Variants in CNTNAP2 observed in about 807,000 individuals in gnomAD.
The protein encoded by CNTNAP2 is contactin associated protein 2, also known as contactin-associated protein-like 2.
A neutral mutation model predicts 155.2 loss-of-function variants in CNTNAP2; 98 were observed. The ratio of observed to expected loss-of-function variants is 0.63; its 90% CI spans 0.54 to 0.75. The LOEUF is 0.75. Ranked by LOEUF, CNTNAP2 falls within the 30% of genes least tolerant of loss-of-function variation. The pLI is 0.00. For synonymous variants in CNTNAP2, 651 were observed against 631.2 expected, an observed-to-expected ratio of 1.03 and a Z score of -0.47; for missense variants, 1,727 against 1,688.1, an observed-to-expected ratio of 1.02 and a Z score of -0.40.
At chr7:146,723,739 T>C (rs1317118884) in intron 1 of CNTNAP2, among the ~76,000 whole-genome samples, 1 of 152,166 alleles carries the variant, frequency 6.6e-6, no homozygotes, top group Non-Finnish European at 1.5e-5. Flanking sequence ...AAAACAAGGA[T>C]ACAAAGATAA....
At chr7:146,892,162 C>G (rs572634045) in intron 3 of CNTNAP2, among the ~76,000 whole-genome samples, 1 of 152,170 alleles carries the variant, frequency 6.6e-6, no homozygotes, top group African/African-American at 2.4e-5. Context: ...TCTTCCAAGA[C>G]GGCCCACTCA....
At chr7:146,450,739 G>A (rs958234655) in intron 1 of CNTNAP2, among the ~76,000 whole-genome samples, 1 of 152,072 alleles carries the variant, frequency 6.6e-6, no homozygotes, top group Non-Finnish European at 1.5e-5. Context: ...TGGAATAAAA[G>A]ATATTGTTTT....
chr7:147,854,050 C>A (rs1455464236), intron 13 of CNTNAP2, among the ~76,000 whole-genome samples: 1 of 152,138 alleles, frequency 6.6e-6, no homozygotes, highest in East Asian at 1.9e-4. Context: ...TGGTTTAGAT[C>A]AGTTGTACAC....
intron 9 of CNTNAP2, among the ~76,000 whole-genome samples, chr7:147,338,069 G>A (rs1795694763): frequency 6.6e-6 from 1 of 152,142 alleles, no homozygotes; most frequent in Admixed American, 6.6e-5. Flanking sequence ...GGAAATACCT[G>A]AGACTGGGTA....
At chr7:147,364,603 G>T (rs1051380012) in intron 9 of CNTNAP2, among the ~76,000 whole-genome samples, 4 of 152,126 alleles carry the variant, frequency 2.6e-5, no homozygotes, top group Non-Finnish European at 5.9e-5. Flanking sequence ...AGTTCTGTTG[G>T]TTAAAAATAT....
intron 13 of CNTNAP2, among the ~76,000 whole-genome samples, chr7:147,755,658 A>G (rs1298304142): frequency 2.0e-5 from 3 of 152,160 alleles, no homozygotes; most frequent in African/African-American, 7.2e-5. Flanking sequence ...TCTCAAAATA[A>G]TAATTAATCA....
At chr7:146,378,965 A>C (rs1795343241) in intron 1 of CNTNAP2, among the ~76,000 whole-genome samples, 1 of 152,252 alleles carries the variant, frequency 6.6e-6, no homozygotes, top group Non-Finnish European at 1.5e-5. Context: ...CTCAAGAATT[A>C]CTGTGCTTGG....
intron 1 of CNTNAP2, among the ~76,000 whole-genome samples, chr7:146,712,391 A>AGTATACATATCTTATGTATACTATATAG (rs1293782028): frequency 4.9e-3 from 652 of 132,158 alleles, no homozygotes; most frequent in Admixed American, 7.2e-3. Context: ...TATACTATAT[A>AGTATACATATCTTATGTATACTATATAG]TATAAATAAA....
chr7:147,899,371 T>C (rs1019986850), intron 13 of CNTNAP2, among the ~76,000 whole-genome samples: 1 of 151,846 alleles, frequency 6.6e-6, no homozygotes, highest in South Asian at 2.1e-4. Flanking sequence ...AGTAGTCAAA[T>C]CATAGAAACA....
chr7:147,593,629 A>T (rs1288134904), intron 12 of CNTNAP2, among the ~76,000 whole-genome samples: 1 of 152,110 alleles, frequency 6.6e-6, no homozygotes, highest in Admixed American at 6.6e-5. Context: ...TTAAATGACA[A>T]ATTGCTTAGA....
At chr7:146,674,156 C>A (rs781104289) in intron 1 of CNTNAP2, among the ~76,000 whole-genome samples, 1 of 152,172 alleles carries the variant, frequency 6.6e-6, no homozygotes, top group African/African-American at 2.4e-5. Flanking sequence ...CTAACATGAC[C>A]AAGATTCAAA....
At chr7:147,062,696 C>CTTA (rs1799706154) in intron 4 of CNTNAP2, among the ~76,000 whole-genome samples, 1 of 151,992 alleles carries the variant, frequency 6.6e-6, no homozygotes, top group Non-Finnish European at 1.5e-5. Flanking sequence ...CATATTAGCC[C>CTTA]TTATTATTAT....
rs767478890 is a variant in CNTNAP2 at position 148,217,340 on chromosome 7, A to C, written c.3063A>C (p.Ala1021=). 1 of 1,614,092 alleles carries C rather than the reference A, an allele frequency of 6.2e-7. No homozygotes were observed. The highest frequency in any genetic ancestry group is 8.5e-7 in the Non-Finnish European group (1 of 1,179,998). The part of the protein sequence containing the change: ...EGMWLRYNFQ[A]PATNARDSSS... ...TGTGGCTACGATATAACTTTCAGGCACCAGCAACAAATGCCAGAGACTCCA... is the reference window on the plus strand; with the variant it reads ...TGTGGCTACGATATAACTTTCAGGCCCCAGCAACAAATGCCAGAGACTCCA... Residue 1021 remains alanine (A), a synonymous_variant, in exon 19 of 24, where the codon GCA becomes GCC. Transcript: ENST00000361727.
chr7:146,530,004 T>C (rs1362881255), intron 1 of CNTNAP2, among the ~76,000 whole-genome samples: 1 of 137,504 alleles, frequency 7.3e-6, no homozygotes, highest in Non-Finnish European at 1.5e-5. Context: ...ACAAATCAGA[T>C]ACAAAGGCAT....
At chr7:148,187,091 C>T (rs867879521) in intron 18 of CNTNAP2, among the ~76,000 whole-genome samples, 55 of 148,210 alleles carry the variant, frequency 3.7e-4, no homozygotes, top group Middle Eastern at 3.4e-3. Flanking sequence ...CCTCTCTGTG[C>T]GGTTGAGCAA....
At chr7:146,192,994 C>T (rs745687604) in intron 1 of CNTNAP2, among the ~76,000 whole-genome samples, 20 of 152,140 alleles carry the variant, frequency 1.3e-4, no homozygotes, top group Non-Finnish European at 1.8e-4. Flanking sequence ...ATCCAAAATC[C>T]AGAGAGGCAG....
chr7:147,167,235 C>T, intron 8 of CNTNAP2: 1 of 362,352 alleles, frequency 2.8e-6, no homozygotes, highest in Non-Finnish European at 4.9e-6. Context: ...AAGATGCTCC[C>T]TTTAATATTA....
rs1250430833 is a variant in CNTNAP2, at chr7:147,775,333, T to A, written c.2099-128232T>A. ...TAAATATATATATATTTATATATAT[T>A]TATAAATATATATATTTATATATAT... On this transcript the variant is annotated intron_variant, in intron 13 of 23. Coordinates refer to ENST00000361727, the MANE Select transcript of CNTNAP2 (RefSeq NM_014141.6). Among the ~76,000 whole-genome samples the A allele has an allele frequency of 1.1e-4, 5 of 46,590 alleles. 1 individual carries two copies. The highest frequency in any genetic ancestry group is 3.3e-4 in the African/African-American group (2 of 6,006). The allele number at this position is 46,590 out of a possible 152,430, so 30.6% of individuals were successfully genotyped here. A position where few individuals can be genotyped will look rare whatever the true frequency, so the allele number is the denominator to read the frequency against.
At chr7:148,001,609 T>C (rs966611736) in intron 15 of CNTNAP2, among the ~76,000 whole-genome samples, 1 of 152,250 alleles carries the variant, frequency 6.6e-6, no homozygotes, top group African/African-American at 2.4e-5. Context: ...AGATGCTTTA[T>C]ACATGAGCAT....
Sources: allele counts gnomAD v4.1 joint callset (sites outside exome capture counted in the v4.1 genomes callset), GRCh38; gene constraint gnomAD v4.1.1; transcripts MANE v1.5; gene names NCBI Gene and HGNC (gene_info 2026-07-23, HGNC 2026-07-21).